CDH4: variants seen among roughly 807,000 people sequenced by gnomAD.
The protein encoded by CDH4 is cadherin 4, also known as cadherin-4.
Under a neutral mutation model 86.0 loss-of-function variants are expected in CDH4, and 33 were observed. The ratio of observed to expected loss-of-function variants is 0.38; its 90% confidence interval spans 0.29 to 0.51. The LOEUF is 0.51. Among genes scored for constraint, CDH4 ranks in the 20% least tolerant of loss-of-function variants. The pLI, the probability that CDH4 is intolerant of heterozygous loss-of-function variation, is 0.86. For missense variants in CDH4, 1,114 were observed against 1,307.4 expected (o/e 0.85, Z 2.28); for synonymous variants, 555 against 549.4 (o/e 1.01, Z -0.14).
chr20:61,761,925 A>G (rs77572309), intron 3 of CDH4, among the ~76,000 whole-genome samples: 1,590 of 152,130 alleles, frequency 0.01, 25 homozygotes, highest in African/African-American at 0.036. Context: ...GCAGCTCCGC[A>G]CAGCAGGCAG....
intron 2 of CDH4, among the ~76,000 whole-genome samples, chr20:61,526,649 TC>T (rs1277053063): frequency 1.3e-5 from 1 of 75,128 alleles, no homozygotes; most frequent in Non-Finnish European, 2.5e-5. Context: ...CCCTCCCCCC[TC>T]CCCCCACCCC....
intron 3 of CDH4, among the ~76,000 whole-genome samples, chr20:61,761,768 A>C (rs965475021): frequency 6.6e-6 from 1 of 152,170 alleles, no homozygotes; most frequent in Non-Finnish European, 1.5e-5. Flanking sequence ...GGGCTCCGGG[A>C]CCTACATAGG....
chr20:61,548,590 A>T (rs1431052692), intron 2 of CDH4, among the ~76,000 whole-genome samples: 2 of 152,216 alleles, frequency 1.3e-5, no homozygotes, highest in African/African-American at 4.8e-5. Context: ...AAATGTCATT[A>T]AAAAATTAAA....
chr20:61,294,380 A>C lies in CDH4; in HGVS notation c.169+39443A>C, dbSNP rs555679954. Reference sequence around the variant, plus strand: ...CTGCCCTAAGCTCTGTGGTCTCGCCATCTGGGAGGGCAGCAGTCAAAGTGC... The same window carrying C: ...CTGCCCTAAGCTCTGTGGTCTCGCCCTCTGGGAGGGCAGCAGTCAAAGTGC... On this transcript the variant is annotated intron_variant, in intron 2 of 15. Transcript: ENST00000614565. 6.6e-5 allele frequency among the ~76,000 whole-genome samples: 10 copies of C among 152,296 alleles called. No homozygotes were observed. In the South Asian group the frequency reaches 2.1e-3, roughly 32 times the overall value.
intron 2 of CDH4, among the ~76,000 whole-genome samples, chr20:61,450,323 C>G (rs2085372814): frequency 1.3e-5 from 2 of 152,136 alleles, no homozygotes; most frequent in Admixed American, 6.5e-5. Flanking sequence ...CTCAACAGGA[C>G]CCACAGATCC....
intron 2 of CDH4, among the ~76,000 whole-genome samples, chr20:61,421,035 G>A (rs2085175143): frequency 6.6e-6 from 1 of 152,256 alleles, no homozygotes; most frequent in Non-Finnish European, 1.5e-5. Flanking sequence ...CAGACGTGCT[G>A]TGGAATATGA....
intron 2 of CDH4, among the ~76,000 whole-genome samples, chr20:61,587,452 A>C (rs1355447447): frequency 1.3e-5 from 2 of 152,164 alleles, no homozygotes; most frequent in African/African-American, 4.8e-5. Context: ...TGACCAAGAT[A>C]ACATTGAATC....
intron 2 of CDH4, among the ~76,000 whole-genome samples, chr20:61,740,242 A>G (rs2088317163): frequency 1.3e-5 from 2 of 152,188 alleles, no homozygotes; most frequent in African/African-American, 4.8e-5. Flanking sequence ...GGCAATTCAC[A>G]AGGAAAGACA....
At chr20:61,325,220 TGG>T (rs1491014939) in intron 2 of CDH4, among the ~76,000 whole-genome samples, 1 of 91,338 alleles carries the variant, frequency 1.1e-5, no homozygotes, top group Non-Finnish European at 2.6e-5. Context: ...AAGTGGTCAC[TGG>T]AAAAAAAAAA....
chr20:61,569,020 G>C (rs545843110), intron 2 of CDH4, among the ~76,000 whole-genome samples: 1 of 152,246 alleles, frequency 6.6e-6, no homozygotes, highest in Admixed American at 6.5e-5. Flanking sequence ...CCCAGTTGAG[G>C]GACCACTGGA....
chr20:61,536,628 G>A (rs921269639), intron 2 of CDH4, among the ~76,000 whole-genome samples: 1 of 152,178 alleles, frequency 6.6e-6, no homozygotes, highest in African/African-American at 2.4e-5. Context: ...ATTGTCTCAC[G>A]AAATAAAAGA....
At chr20:61,562,410 T>C (rs1166941772) in intron 2 of CDH4, among the ~76,000 whole-genome samples, 184 of 106,156 alleles carry the variant, frequency 1.7e-3, no homozygotes, top group Middle Eastern at 7.1e-3. Context: ...AGGGGGACCT[T>C]CGTGTGGAGA....
intron 2 of CDH4, among the ~76,000 whole-genome samples, chr20:61,592,796 T>C (rs558580175): frequency 1.3e-5 from 2 of 152,322 alleles, no homozygotes; most frequent in East Asian, 3.9e-4. Context: ...TCGTACTCAC[T>C]TTGTTTTTAT....
intron 2 of CDH4, chr20:61,570,825 G>A (rs918364281): frequency 1.3e-5 from 9 of 700,868 alleles, no homozygotes; most frequent in African/African-American, 1.0e-4. Flanking sequence ...GGGGGTTGCT[G>A]CTGTTTTCTT....
At chr20:61,572,061 C>T (rs1463648564) in intron 2 of CDH4, among the ~76,000 whole-genome samples, 1 of 152,074 alleles carries the variant, frequency 6.6e-6, no homozygotes, top group African/African-American at 2.4e-5. Context: ...GAGACAGAAG[C>T]AGCCAGCCTG....
chr20:61,610,786 C>T (rs1173937676), intron 2 of CDH4, among the ~76,000 whole-genome samples: 1 of 152,160 alleles, frequency 6.6e-6, no homozygotes, highest in Non-Finnish European at 1.5e-5. Context: ...TTGTGCCTGT[C>T]CTTCAGATAC....
At chr20:61,258,552 T>C (rs974950398) in intron 2 of CDH4, among the ~76,000 whole-genome samples, 4 of 152,286 alleles carry the variant, frequency 2.6e-5, no homozygotes, top group Admixed American at 2.6e-4. Flanking sequence ...AAGAGCTCTG[T>C]CATTCTTATT....
At chr20:61,768,690 G>A (rs2088732276) in intron 3 of CDH4, among the ~76,000 whole-genome samples, 1 of 152,222 alleles carries the variant, frequency 6.6e-6, no homozygotes, top group South Asian at 2.1e-4. Flanking sequence ...CAGGGTGAGT[G>A]CTAATTGTGG....
intron 2 of CDH4, among the ~76,000 whole-genome samples, chr20:61,652,938 A>ATTTATTTTTTTTTTTTTTTTTTTT (rs1555819716): frequency 7.2e-5 from 7 of 97,426 alleles, no homozygotes; most frequent in Admixed American, 3.2e-4. Flanking sequence ...TTATTTATTT[A>ATTTATTTTTTTTTTTTTTTTTTTT]TTTTTTTTTT....
Sources: gnomAD v4.1 joint callset for allele counts (sites outside exome capture counted in the v4.1 genomes callset) on GRCh38, gnomAD v4.1.1 for gene constraint, MANE v1.5 for transcripts, NCBI Gene and HGNC (gene_info 2026-07-23, HGNC 2026-07-21) for gene names.